NDUFA9: variants seen among roughly 807,000 people sequenced by gnomAD.
NDUFA9 encodes NADH dehydrogenase [ubiquinone] 1 alpha subcomplex subunit 9, mitochondrial.
In NDUFA9, 23 loss-of-function variants were observed where a neutral mutation model predicts 45.9. The ratio of observed to expected loss-of-function variants is 0.50; its 90% CI spans 0.36 to 0.71. The LOEUF is 0.71. NDUFA9 is among the 30% of genes least tolerant of loss of function. The pLI is 0.00. For missense variants in NDUFA9, 466 were observed against 488.2 expected (o/e 0.95, Z 0.43); for synonymous variants, 176 against 170.5 (o/e 1.03, Z -0.25).
At chr12:4,659,301 C>T in intron 5 of NDUFA9, 124 bp downstream of exon 5, 2 of 843,592 alleles carry the variant, frequency 2.4e-6, no homozygotes, top group Non-Finnish European at 3.6e-6. Flanking sequence ...TTTCTGATTC[C>T]CTGCATCCAG....
At chr12:4,653,359 C>A in intron 1 of NDUFA9, 1 of 227,748 alleles carries the variant, frequency 4.4e-6, no homozygotes, top group Non-Finnish European at 8.8e-6. Flanking sequence ...TCACTGATTC[C>A]CCTTGTGGTA....
At chr12:4,668,326 C>T in intron 6 of NDUFA9, 131 bp from the exon 7 acceptor site, 1 of 721,108 alleles carries the variant, frequency 1.4e-6, no homozygotes, top group East Asian at 2.7e-5. Flanking sequence ...TAAGTGCATT[C>T]ACTTCCTCAG....
chr12:4,663,389 C>G (rs972263121), intron 6 of NDUFA9, among the ~76,000 whole-genome samples: 32 of 152,126 alleles, frequency 2.1e-4, no homozygotes, highest in African/African-American at 7.5e-4. Context: ...TATGTTGAAG[C>G]CTTAACACCA....
At position 4,687,906 on chromosome 12, in the gene NDUFA9, A is replaced by G. The variant is rs933778437; in HGVS notation, c.*798A>G. 6 of 152,218 alleles carry G rather than the reference A, an allele frequency of 3.9e-5. No homozygotes were observed. The highest frequency in any genetic ancestry group is 8.8e-5 in the Non-Finnish European group (6 of 68,028). The allele number at this position is 152,218 out of a possible 1,614,324, so 9.4% of individuals were successfully genotyped here. A position where few individuals can be genotyped will look rare whatever the true frequency, so the allele number is the denominator to read the frequency against. ...ACTCCCACAATTTGTGGTGAAGCCAACATACCACCATCCTAGGTGACCCAG... is the reference window on the plus strand; with the variant it reads ...ACTCCCACAATTTGTGGTGAAGCCAGCATACCACCATCCTAGGTGACCCAG... On this transcript the variant is annotated 3_prime_UTR_variant, in exon 11 of 11. Transcript: ENST00000266544.
At chr12:4,651,209 T>C (rs1475937418) in intron 1 of NDUFA9, among the ~76,000 whole-genome samples, 1 of 152,176 alleles carries the variant, frequency 6.6e-6, no homozygotes, top group Non-Finnish European at 1.5e-5. Flanking sequence ...TTGGTTTGGG[T>C]ATTGCAGTAG....
At chr12:4,671,722 A>G (rs866014238) in intron 8 of NDUFA9, among the ~76,000 whole-genome samples, 80 of 152,334 alleles carry the variant, frequency 5.3e-4, no homozygotes, top group African/African-American at 1.9e-3. Context: ...TGACGTATAG[A>G]TGAATTAACC....
chr12:4,655,196 C>A, intron 3 of NDUFA9: 1 of 339,140 alleles, frequency 2.9e-6, no homozygotes, highest in East Asian at 5.5e-5. Context: ...CTCAGCTCTG[C>A]CCTTGTAACT....
In NDUFA9 at chr12:4,689,694, ACTT is replaced by A. The variant is rs898256421; in HGVS notation, c.*2590_*2592del. 11 of 178,450 alleles carry A rather than the reference ACTT, an allele frequency of 6.2e-5. No homozygotes were observed. In the Admixed American group the frequency reaches 6.4e-4, roughly 10 times the overall value. The allele number at this position is 178,450 out of a possible 1,614,324, so 11.1% of individuals were successfully genotyped here. A position where few individuals can be genotyped will look rare whatever the true frequency, so the allele number is the denominator to read the frequency against. ...GAACAAAGTGAAGTCTCCCATGTCT[ACTT>A]CTTTCTACACAGACACAGCAACAAT... On this transcript the variant is annotated 3_prime_UTR_variant, in exon 11 of 11. Coordinates refer to ENST00000266544, the MANE Select transcript of NDUFA9 (RefSeq NM_005002.5).
intron 9 of NDUFA9, 55 bp downstream of exon 9, chr12:4,682,355 G>A (rs1366810776): frequency 1.5e-5 from 19 of 1,297,418 alleles, no homozygotes; most frequent in Non-Finnish European, 2.1e-5. Context: ...CCACACACTT[G>A]TTCCTAATGT....
rs1945840662 is a variant in NDUFA9, at chr12:4,664,277, A to G, written c.655+1642A>G. Among the ~76,000 whole-genome samples, 6 of 152,246 alleles carry G rather than the reference A, an allele frequency of 3.9e-5. No homozygotes were observed. In the South Asian group the frequency reaches 1.2e-3, roughly 31 times the overall value. ...GATTGTGGATGCGACTCACCAACTA[A>G]CAAGCTATCTTGGCAGAAGCCAGGA... On this transcript the variant is annotated intron_variant, in intron 6 of 10. Coordinates refer to ENST00000266544, the MANE Select transcript of NDUFA9 (RefSeq NM_005002.5).
In NDUFA9 at chr12:4,687,201, C is replaced by T. The variant is rs1945993165; in HGVS notation, c.*93C>T. On this transcript the variant is annotated 3_prime_UTR_variant, in exon 11 of 11. Transcript: ENST00000266544. ...GGCGGTCTCTTTAGAGGATCCTGTA[C>T]ACAGTTCCACTATTAAAACATTTCA... The T allele has an allele frequency of 1.7e-6, 2 of 1,155,140 alleles. No individual in the cohort carries two copies. The highest frequency in any genetic ancestry group is 2.4e-6 in the Non-Finnish European group (2 of 829,938). The allele number at this position is 1,155,140 out of a possible 1,614,324, so 71.6% of individuals were successfully genotyped here.
intron 1 of NDUFA9, 25 bp downstream of exon 1, chr12:4,649,200 C>A: frequency 6.3e-7 from 1 of 1,595,120 alleles, no homozygotes; most frequent in Non-Finnish European, 8.5e-7. Context: ...GAACGGCGGC[C>A]CCTGGTCGGG....
chr12:4,687,600 G>A lies in NDUFA9; in HGVS notation c.*492G>A, dbSNP rs1312868383. 5 of 152,226 alleles carry A rather than the reference G, an allele frequency of 3.3e-5. No homozygotes were observed. Among genetic ancestry groups the A allele is most frequent in the African/African-American group, 1.2e-4 (5 of 41,418 alleles). 9.4% of individuals were successfully genotyped at this position (152,226 alleles called of 1,614,324 possible). A position where few individuals can be genotyped will look rare whatever the true frequency, so the allele number is the denominator to read the frequency against. ...AGTAGTACATATATAGAAAAACATT[G>A]TCCATAGATTCTCAAACCCCTTGCA... is the stretch of plus-strand genomic sequence containing the variant. On this transcript the variant is annotated 3_prime_UTR_variant, in exon 11 of 11. Coordinates refer to ENST00000266544, the MANE Select transcript of NDUFA9 (RefSeq NM_005002.5).
rs1404764380 is a variant in NDUFA9 at position 4,689,931 on chromosome 12, C to T, written c.*2823C>T. ...GGTCGGCTGGCTGGGCGGAGGCGCCCCCCACACAAACACTGAAGCCGTAGC... is the reference window on the plus strand; with the variant it reads ...GGTCGGCTGGCTGGGCGGAGGCGCCTCCCACACAAACACTGAAGCCGTAGC... On this transcript the variant is annotated 3_prime_UTR_variant, in exon 11 of 11. Transcript: ENST00000266544. The T allele has an allele frequency of 1.9e-5, 3 of 154,766 alleles. No individual in the cohort carries two copies. In the Admixed American group the frequency reaches 2.0e-4, roughly 10 times the overall value. 9.6% of individuals were successfully genotyped at this position (154,766 alleles called of 1,614,324 possible). A position where few individuals can be genotyped will look rare whatever the true frequency, so the allele number is the denominator to read the frequency against.
chr12:4,687,781 G>A lies in NDUFA9; in HGVS notation c.*673G>A, dbSNP rs1945996544. On this transcript the variant is annotated 3_prime_UTR_variant, in exon 11 of 11. Coordinates refer to ENST00000266544, the MANE Select transcript of NDUFA9 (RefSeq NM_005002.5). ...CTATGCCAGCAGTGCCAGCACTTAGGAATTATGACCTTCTAATGAAGTTCT... is the reference window on the plus strand; with the variant it reads ...CTATGCCAGCAGTGCCAGCACTTAGAAATTATGACCTTCTAATGAAGTTCT... 1 of 152,214 alleles carries A rather than the reference G, an allele frequency of 6.6e-6. No individual in the cohort carries two copies. The allele number at this position is 152,214 out of a possible 1,614,324, so 9.4% of individuals were successfully genotyped here. A position where few individuals can be genotyped will look rare whatever the true frequency, so the allele number is the denominator to read the frequency against.
chr12:4,654,232 T>C, intron 1 of NDUFA9, 60 bp from the exon 2 acceptor site: 1 of 1,484,302 alleles, frequency 6.7e-7, no homozygotes, highest in South Asian at 1.3e-5. Context: ...GCTATTTGTG[T>C]TGACAGTTTT....
At chr12:4,662,750 G>A in intron 6 of NDUFA9, 115 bp downstream of exon 6, 1 of 781,972 alleles carries the variant, frequency 1.3e-6, no homozygotes, top group Non-Finnish European at 2.0e-6. Context: ...TTCTTTCCCA[G>A]TTGCCTTTTC....
Position 4,649,176 on chromosome 12 carries a change from G to GT in NDUFA9, c.49+2dup, listed in dbSNP as rs1216135238. The GT allele has an allele frequency of 1.2e-6, 2 of 1,603,714 alleles. No homozygotes were observed. The highest frequency in any genetic ancestry group is 1.7e-6 in the Non-Finnish European group (2 of 1,175,158). On this transcript the variant is annotated splice_donor_variant, in intron 1 of 10. Coordinates refer to ENST00000266544, the MANE Select transcript of NDUFA9 (RefSeq NM_005002.5). LOFTEE classifies it high-confidence loss of function. Reference sequence around the variant, plus strand: ...GTTGTCCGGGTCCTGTCAATGTCACGTAAGTGTTACCGGGAACGGCGGCCC... The same window carrying GT: ...GTTGTCCGGGTCCTGTCAATGTCACGTTAAGTGTTACCGGGAACGGCGGCCC...
chr12:4,689,021 T>G lies in NDUFA9; in HGVS notation c.*1913T>G, dbSNP rs890443039. 4 of 152,246 alleles carry G rather than the reference T, an allele frequency of 2.6e-5. No homozygotes were observed. Among genetic ancestry groups the G allele is most frequent in the Non-Finnish European group, 5.9e-5 (4 of 68,046 alleles). 9.4% of individuals were successfully genotyped at this position (152,246 alleles called of 1,614,324 possible). ...AATAGATGTAAATATTGTCAGGGTA[T>G]ATGTGGTAATTTGATATATTCATAT... On this transcript the variant is annotated 3_prime_UTR_variant, in exon 11 of 11. Coordinates refer to ENST00000266544, the MANE Select transcript of NDUFA9 (RefSeq NM_005002.5).
Sources: allele counts gnomAD v4.1 joint callset (sites outside exome capture counted in the v4.1 genomes callset), GRCh38; gene constraint gnomAD v4.1.1; transcripts MANE v1.5; gene names NCBI Gene and HGNC (gene_info 2026-07-23, HGNC 2026-07-21).